The following MYO16 variants were observed in gnomAD, a reference collection of about 807,000 sequenced individuals.
The protein encoded by MYO16 is unconventional myosin-XVI.
Under a neutral mutation model 205.3 loss-of-function variants are expected in MYO16, and 94 were observed. The observed-to-expected ratio is 0.46, with a 90% CI of 0.39 to 0.54. MYO16 has a LOEUF of 0.54. Ranked by LOEUF, MYO16 falls within the 20% of genes least tolerant of loss-of-function variation. The probability of loss-of-function intolerance (pLI) is 0.00; values close to 1 mark genes in which losing one functional copy is unlikely to be tolerated. For missense variants in MYO16, 2,315 were observed against 2,387.5 expected, an observed-to-expected ratio of 0.97 and a Z score of 0.63; for synonymous variants, 988 against 954.0, an observed-to-expected ratio of 1.04 and a Z score of -0.66.
chr13:108,530,439 G>A, the MYO16 span, among the ~76,000 whole-genome samples: 1 of 152,206 alleles, frequency 6.6e-6, no homozygotes, highest in African/African-American at 2.4e-5. Flanking sequence ...TTCTTTCAGA[G>A]AAGATAGATT....
intron 2 of MYO16, among the ~76,000 whole-genome samples, chr13:108,701,075 C>A (rs895661937): frequency 6.6e-6 from 1 of 152,082 alleles, no homozygotes; most frequent in African/African-American, 2.4e-5. Context: ...TTGACTACTA[C>A]GATAAATGAG....
intron 23 of MYO16, among the ~76,000 whole-genome samples, chr13:109,029,112 CTTT>C (rs200871485): frequency 1.0e-5 from 1 of 98,408 alleles, no homozygotes; most frequent in Non-Finnish European, 1.9e-5. Context: ...TTTTTCTTTT[CTTT>C]TTTTTTTTTT....
chr13:108,583,553 T>A, the MYO16 span, among the ~76,000 whole-genome samples: 3 of 152,230 alleles, frequency 2.0e-5, no homozygotes, highest in Admixed American at 1.3e-4. Context: ...AGTGATATAC[T>A]ATTTTTTAAT....
intron 23 of MYO16, among the ~76,000 whole-genome samples, chr13:109,027,903 C>G (rs1886416853): frequency 6.6e-6 from 1 of 152,024 alleles, no homozygotes; most frequent in East Asian, 1.9e-4. Flanking sequence ...TCAACTTTTG[C>G]CATATATTCA....
chr13:108,710,187 T>C (rs1316562231), intron 2 of MYO16, among the ~76,000 whole-genome samples: 1 of 152,216 alleles, frequency 6.6e-6, no homozygotes, highest in African/African-American at 2.4e-5. Flanking sequence ...CCAGGAATTT[T>C]GTGAGTTGGT....
intron 16 of MYO16, among the ~76,000 whole-genome samples, chr13:108,932,486 TACCA>T: frequency 6.6e-6 from 1 of 152,234 alleles, no homozygotes. Context: ...TCCGGAGTGT[TACCA>T]ACCAAGGACT....
intron 1 of MYO16, among the ~76,000 whole-genome samples, chr13:108,609,235 A>G (rs1294562236): frequency 6.6e-6 from 1 of 152,062 alleles, no homozygotes; most frequent in East Asian, 1.9e-4. Flanking sequence ...CCTTCTTCTT[A>G]TTCTGTATCA....
intron 17 of MYO16, among the ~76,000 whole-genome samples, chr13:108,959,681 TGTGGTC>T (rs2139362384): frequency 1.3e-5 from 2 of 152,284 alleles, no homozygotes; most frequent in South Asian, 4.1e-4. Context: ...CACTGGTGAT[TGTGGTC>T]CTGACAGATC....
At position 109,052,388 on chromosome 13, in the gene MYO16, C is replaced by T. The variant is rs561599115; in HGVS notation, c.2961C>T (p.Phe987=). The T allele has an allele frequency of 4.1e-5, 66 of 1,612,416 alleles. No homozygotes were observed. The South Asian group carries it at 7.0e-4, about 17-fold the overall frequency. Residue 987 remains phenylalanine, a synonymous_variant, in exon 25 of 35, where the codon TTC becomes TTT. Transcript: ENST00000457511. ...SLVSAYPSFK[F]RGHKSALLSK... ...TATCTGCCTATCCTTCCTTTAAATT[C>T]CGAGGACATAAGTCTGCCCTGCTCA...
the MYO16 span, among the ~76,000 whole-genome samples, chr13:108,518,406 T>A: frequency 6.6e-6 from 1 of 152,170 alleles, no homozygotes; most frequent in Non-Finnish European, 1.5e-5. Context: ...AGGAATAGCA[T>A]CTGCCTGAGA....
chr13:108,864,675 T>G (rs933180642), intron 11 of MYO16, among the ~76,000 whole-genome samples: 1 of 151,888 alleles, frequency 6.6e-6, no homozygotes, highest in Admixed American at 6.6e-5. Flanking sequence ...ATGACAGGCA[T>G]GCACCACCAT....
intron 32 of MYO16, among the ~76,000 whole-genome samples, chr13:109,151,315 G>A (rs1419888220): frequency 1.3e-5 from 2 of 152,146 alleles, no homozygotes; most frequent in Non-Finnish European, 2.9e-5. Flanking sequence ...GAAATCTTCA[G>A]TTTTCATACT....
At chr13:108,937,621 C>T (rs1353201585) in intron 16 of MYO16, among the ~76,000 whole-genome samples, 1 of 152,140 alleles carries the variant, frequency 6.6e-6, no homozygotes, top group Non-Finnish European at 1.5e-5. Context: ...GGCTTTCAAG[C>T]TCTGAAATTA....
intron 21 of MYO16, among the ~76,000 whole-genome samples, chr13:109,006,799 G>A (rs1283505263): frequency 6.6e-6 from 1 of 152,092 alleles, no homozygotes; most frequent in African/African-American, 2.4e-5. Flanking sequence ...GGAACATAAA[G>A]GTCTGTAAAA....
chr13:109,046,397 A>G (rs1402944543), intron 23 of MYO16, among the ~76,000 whole-genome samples: 1 of 152,242 alleles, frequency 6.6e-6, no homozygotes, highest in African/African-American at 2.4e-5. Flanking sequence ...TAATTGATTC[A>G]TAAATCACCT....
chr13:108,687,291 A>G (rs558398788), intron 2 of MYO16, among the ~76,000 whole-genome samples: 1 of 152,360 alleles, frequency 6.6e-6, no homozygotes, highest in African/African-American at 2.4e-5. Context: ...TAACATTGGC[A>G]GAAGTGGTAT....
chr13:109,121,632 T>C (rs1385769743), intron 29 of MYO16, among the ~76,000 whole-genome samples: 6 of 152,168 alleles, frequency 3.9e-5, no homozygotes, highest in African/African-American at 1.4e-4. Context: ...GCTTCCTAGG[T>C]GCAGCTTTTC....
chr13:108,933,208 A>G (rs1334752799), intron 16 of MYO16, among the ~76,000 whole-genome samples: 1 of 152,116 alleles, frequency 6.6e-6, no homozygotes, highest in Non-Finnish European at 1.5e-5. Flanking sequence ...CTATTGGAGG[A>G]CAGAAGACTT....
chr13:108,649,919 G>T (rs7329397), intron 1 of MYO16, among the ~76,000 whole-genome samples: 20,865 of 152,084 alleles, frequency 0.14, 2,795 homozygotes, highest in African/African-American at 0.34. Flanking sequence ...TGAAAATCAT[G>T]AAAAACTATA....
Sources: allele counts gnomAD v4.1 joint callset (sites outside exome capture counted in the v4.1 genomes callset), GRCh38; gene constraint gnomAD v4.1.1; transcripts MANE v1.5; gene names NCBI Gene and HGNC (gene_info 2026-07-23, HGNC 2026-07-21).